The following ADGRV1 variants were observed in gnomAD, a reference collection of about 807,000 sequenced individuals.
ADGRV1 encodes the protein G-protein coupled receptor 98.
Under a neutral mutation model 596.2 loss-of-function variants are expected in ADGRV1, and 359 were observed. That is an observed-to-expected ratio of 0.60 (90% CI 0.55 to 0.66). The LOEUF (loss-of-function observed/expected upper bound fraction) is 0.66, where lower values mean the gene tolerates loss of function less well. ADGRV1 is among the 30% of genes least tolerant of loss of function. The probability of loss-of-function intolerance (pLI) is 0.00; values close to 1 mark genes in which losing one functional copy is unlikely to be tolerated. For missense variants in ADGRV1, 7,274 were observed against 7,575.6 expected (o/e 0.96, Z 1.48); for synonymous variants, 2,681 against 2,679.2 (o/e 1.00, Z -0.02).
intron 1 of ADGRV1, among the ~76,000 whole-genome samples, chr5:90,572,836 G>A (rs1223404738): frequency 6.6e-6 from 1 of 152,124 alleles, no homozygotes; most frequent in African/African-American, 2.4e-5. Context: ...GGGGAAATTG[G>A]AATTAGAATG....
In ADGRV1 at chr5:91,102,319, T is replaced by C. The variant is rs1791454643; in HGVS notation, c.18411T>C (p.Phe6137=). The C allele has an allele frequency of 6.2e-7, 1 of 1,601,740 alleles. No individual in the cohort carries two copies. The highest frequency in any genetic ancestry group is 1.3e-5 in the African/African-American group (1 of 74,664). The change falls in exon 87 of 90, where the codon TTT becomes TTC. Residue 6137 remains phenylalanine, a synonymous_variant. Transcript: ENST00000405460. The part of the protein sequence containing the change: ...AYRHFWMLVL[F]VIFNSLQGLY... ...GACACTTCTGGATGTTGGTTCTCTT[T>C]GTCATTTTCAACAGTCTGCAGGTAA... is the stretch of plus-strand genomic sequence containing the variant.
At chr5:90,760,893 A>T (rs1275279432) in intron 58 of ADGRV1, among the ~76,000 whole-genome samples, 5 of 152,356 alleles carry the variant, frequency 3.3e-5, no homozygotes, top group African/African-American at 1.2e-4. Context: ...AAATTCCATC[A>T]TAATTGTTAT....
intron 85 of ADGRV1, among the ~76,000 whole-genome samples, chr5:91,003,252 T>A (rs1967255): frequency 0.14 from 21,026 of 152,188 alleles, 1,959 homozygotes; most frequent in African/African-American, 0.24. Flanking sequence ...ATCCTGCGCC[T>A]TTTAATTGAG....
chr5:90,643,877 C>A lies in ADGRV1; in HGVS notation c.2628C>A (p.Val876=). The A allele has an allele frequency of 6.2e-7, 1 of 1,611,332 alleles. No homozygotes were observed. Among genetic ancestry groups the A allele is most frequent in the Non-Finnish European group, 8.5e-7 (1 of 1,178,454 alleles). Residue 876 remains valine (V), a synonymous_variant, in exon 14 of 90, where the codon GTC becomes GTA. Transcript: ENST00000405460. The stretch of plus-strand genomic sequence containing the variant: ...GCAAGTTGGGAAGTGCCACCATTGT[C>A]AATATAACGATTCTGAAAAATGATG... ...RESKLGSATI[V]NITILKNDDP... is the part of the protein sequence containing the mutation.
In ADGRV1 at chr5:90,763,380, G is replaced by A. The variant is rs754296088; in HGVS notation, c.12196G>A (p.Gly4066Arg). 2 of 1,613,162 alleles carry A rather than the reference G, an allele frequency of 1.2e-6. No homozygotes were observed. Among genetic ancestry groups the A allele is most frequent in the African/African-American group, 1.3e-5 (1 of 74,966 alleles). The change falls in exon 59 of 90, where the codon GGA becomes AGA. Residue 4066 changes from glycine to arginine, a missense_variant. This residue lies in a region of ADGRV1 where 3,643 missense variants were observed against 3,809.2 expected (regional missense o/e 0.96). Transcript: ENST00000405460. ...ATTGACGGTTGTCCGGTCCCCAGGAGGAAAAGGAACCGTCCGACTTGAGTG... is the reference window on the plus strand; with the variant it reads ...ATTGACGGTTGTCCGGTCCCCAGGAAGAAAAGGAACCGTCCGACTTGAGTG... Reference protein sequence around the residue: ...VTLTVVRSPGGKGTVRLEWTI... With the variant: ...VTLTVVRSPGRKGTVRLEWTI...
intron 16 of ADGRV1, 65 bp downstream of exon 16, chr5:90,646,156 A>ATACTAT: frequency 8.6e-7 from 1 of 1,166,372 alleles, no homozygotes; most frequent in Non-Finnish European, 1.1e-6. Flanking sequence ...AAATGTATAT[A>ATACTAT]TGCACGTGCA....
intron 83 of ADGRV1, among the ~76,000 whole-genome samples, chr5:90,880,754 A>G (rs1024064374): frequency 6.6e-6 from 1 of 152,208 alleles, no homozygotes; most frequent in Non-Finnish European, 1.5e-5. Context: ...ACTTGTAACA[A>G]TAGCAGCAAC....
At chr5:90,689,329 C>G (rs1243905265) in intron 29 of ADGRV1, among the ~76,000 whole-genome samples, 1 of 139,900 alleles carries the variant, frequency 7.1e-6, no homozygotes, top group Non-Finnish European at 1.5e-5. Flanking sequence ...TTTCCCCACC[C>G]ACCTTTTTTT....
At chr5:90,956,602 AATGATCTTG>A (rs1303295006) in intron 83 of ADGRV1, among the ~76,000 whole-genome samples, 2 of 152,178 alleles carry the variant, frequency 1.3e-5, no homozygotes, top group African/African-American at 4.8e-5. Context: ...GTAATATTCA[AATGATCTTG>A]ATGTTTCAGC....
At chr5:90,722,184 T>A (rs1287291047) in intron 45 of ADGRV1, among the ~76,000 whole-genome samples, 1 of 151,964 alleles carries the variant, frequency 6.6e-6, no homozygotes, top group Non-Finnish European at 1.5e-5. Flanking sequence ...GGAGGCAAGA[T>A]GGTGGTAGCT....
At chr5:90,964,992 T>C (rs1247162118) in intron 83 of ADGRV1, among the ~76,000 whole-genome samples, 2 of 152,212 alleles carry the variant, frequency 1.3e-5, no homozygotes, top group African/African-American at 4.8e-5. Flanking sequence ...TGTTACTTCC[T>C]GGCAAGAGGC....
At chr5:90,985,981 A>C (rs1166204469) in intron 85 of ADGRV1, among the ~76,000 whole-genome samples, 1 of 151,944 alleles carries the variant, frequency 6.6e-6, no homozygotes, top group East Asian at 1.9e-4. Context: ...GAAGAAGTGC[A>C]TAGGAACAAG....
At chr5:91,036,996 C>T (rs1193493088) in intron 85 of ADGRV1, among the ~76,000 whole-genome samples, 1 of 152,216 alleles carries the variant, frequency 6.6e-6, no homozygotes, top group Non-Finnish European at 1.5e-5. Flanking sequence ...TAGCCTGCCA[C>T]AGTTTCATGG....
intron 52 of ADGRV1, 115 bp downstream of exon 52, chr5:90,745,910 C>G: frequency 1.6e-6 from 1 of 636,090 alleles, no homozygotes; most frequent in South Asian, 2.1e-5. Context: ...CAGCCTCTCT[C>G]CCTTCCCTTT....
chr5:90,561,591 A>G (rs534239820), intron 1 of ADGRV1, among the ~76,000 whole-genome samples: 2 of 152,314 alleles, frequency 1.3e-5, no homozygotes, highest in East Asian at 3.9e-4. Flanking sequence ...TATTTCTCTT[A>G]TATAGTATCT....
chr5:90,886,079 G>T (rs1225469120), intron 83 of ADGRV1, among the ~76,000 whole-genome samples: 1 of 152,108 alleles, frequency 6.6e-6, no homozygotes, highest in African/African-American at 2.4e-5. Flanking sequence ...TCCTGTTGCT[G>T]ACATAATCCA....
intron 36 of ADGRV1, among the ~76,000 whole-genome samples, chr5:90,705,103 C>T (rs116031315): frequency 2.0e-3 from 307 of 152,234 alleles, no homozygotes; most frequent in African/African-American, 7.0e-3. Context: ...CCACCACACC[C>T]GGCCCAAATT....
intron 1 of ADGRV1, among the ~76,000 whole-genome samples, chr5:90,581,281 C>G (rs1391868064): frequency 6.6e-6 from 1 of 152,194 alleles, no homozygotes; most frequent in African/African-American, 2.4e-5. Flanking sequence ...CATTCTCCGT[C>G]CAGCTTTGTT....
rs540711342 is a variant in ADGRV1 at position 91,037,396 on chromosome 5, A to G, written c.18153-35051A>G. ...GAAAGCTGTCAGTGCCTTTGCTTGC[A>G]AGCCATGCAGAAACAAAGAAAAAGA... On this transcript the variant is annotated intron_variant, in intron 85 of 89. Transcript: ENST00000405460. 9.2e-5 allele frequency among the ~76,000 whole-genome samples: 14 copies of G among 152,332 alleles called. No homozygotes were observed. In the South Asian group the frequency reaches 1.9e-3, roughly 20 times the overall value.
Sources: gnomAD v4.1 joint callset for allele counts (sites outside exome capture counted in the v4.1 genomes callset) on GRCh38, gnomAD v4.1.1 for gene constraint, gnomAD v4.1.1 regional missense constraint, MANE v1.5 for transcripts, NCBI Gene and HGNC (gene_info 2026-07-23, HGNC 2026-07-21) for gene names.